The following GABRD variants were observed in gnomAD, a reference collection of about 807,000 sequenced individuals.
The protein encoded by GABRD is gamma-aminobutyric acid type A receptor subunit delta, also known as gamma-aminobutyric acid receptor subunit delta.
In GABRD, 25 loss-of-function variants were observed where a neutral mutation model predicts 47.3. The ratio of observed to expected loss-of-function variants is 0.53; its 90% CI spans 0.39 to 0.74. GABRD has a LOEUF of 0.74. Ranked by LOEUF, GABRD falls within the 30% of genes least tolerant of loss-of-function variation. The probability of loss-of-function intolerance (pLI) is 0.00; values close to 1 mark genes in which losing one functional copy is unlikely to be tolerated. For synonymous variants in GABRD, 314 were observed against 278.8 expected (o/e 1.13, Z -1.26); for missense variants, 497 against 643.4 (o/e 0.77, Z 2.46).
intron 1 of GABRD, chr1:2,024,082 A>G (rs1658857144): frequency 6.6e-6 from 1 of 152,164 alleles, no homozygotes; most frequent in Non-Finnish European, 1.5e-5. Context: ...TTTAGGGCCC[A>G]CCCAATCCAG....
chr1:2,019,381 G>T lies in GABRD; in HGVS notation c.-43G>T. The stretch of plus-strand genomic sequence containing the variant: ...GCCTGTGCCGCCTGTGCGGCCGCCG[G>T]GAGCCAAGTTTGCGCGGACCCCGTC... On this transcript the variant is annotated 5_prime_UTR_variant, in exon 1 of 9. Transcript: ENST00000378585. 10 of 1,026,200 alleles carry T rather than the reference G, an allele frequency of 9.7e-6. No individual in the cohort carries two copies. Among genetic ancestry groups the T allele is most frequent in the African/African-American group, 1.8e-5 (1 of 56,900 alleles). 63.6% of individuals were successfully genotyped at this position (1,026,200 alleles called of 1,614,324 possible).
At chr1:2,027,050 G>A (rs147016415) in intron 4 of GABRD, 2,968 of 200,158 alleles carry the variant, frequency 0.015, 102 homozygotes, top group African/African-American at 0.066. Context: ...TCAGCTACTC[G>A]GGAGGCTGAG....
chr1:2,022,900 C>T (rs1291979832), intron 1 of GABRD, among the ~76,000 whole-genome samples: 1 of 152,162 alleles, frequency 6.6e-6, no homozygotes, highest in Non-Finnish European at 1.5e-5. Context: ...AGCTAAGGAA[C>T]GTTTGGTTCA....
At chr1:2,029,951 C>T in intron 8 of GABRD, 32 bp from the exon 9 acceptor site, 1 of 1,609,142 alleles carries the variant, frequency 6.2e-7, no homozygotes. Context: ...CCCCAGTGCT[C>T]AGCCCTGTCT....
chr1:2,029,168 ACAT>A lies in GABRD; in HGVS notation c.754_756del (p.Ile252del), dbSNP rs1201664324. On this transcript the variant is annotated inframe_deletion, in exon 7 of 9. Coordinates refer to ENST00000378585, the MANE Select transcript of GABRD (RefSeq NM_000815.5). Reference sequence around the variant, plus strand: ...CACCTGCGGAGGAACCGCGGCGTGTACATCATCCAATCCTACATGCCCTCCGTC... The same window carrying A: ...CACCTGCGGAGGAACCGCGGCGTGTACATCCAATCCTACATGCCCTCCGTC... 2.6e-6 allele frequency: 4 copies of A among 1,554,800 alleles called. No individual in the cohort carries two copies. In the African/African-American group the frequency reaches 5.5e-5, roughly 21 times the overall value.
rs1292119759 is a variant in GABRD at position 2,029,759 on chromosome 1, A to T, written c.1056A>T (p.Ala352=). The T allele has an allele frequency of 1.9e-6, 3 of 1,611,746 alleles. No individual in the cohort carries two copies. The highest frequency in any genetic ancestry group is 2.5e-6 in the Non-Finnish European group (3 of 1,178,948). The part of the protein sequence containing the change: ...KAKVKVSRPR[A]EMDVRNAIVL... Reference sequence around the variant, plus strand: ...AGGTCAAGGTCTCCAGGCCGAGGGCAGAGGTGAGGGCCTGGGGCCGAGCCA... The same window carrying T: ...AGGTCAAGGTCTCCAGGCCGAGGGCTGAGGTGAGGGCCTGGGGCCGAGCCA... The change falls in exon 8 of 9, where the codon GCA becomes GCT. Residue 352 remains alanine (A), a synonymous_variant. Coordinates refer to ENST00000378585, the MANE Select transcript of GABRD (RefSeq NM_000815.5).
intron 8 of GABRD, 23 bp from the exon 9 acceptor site, chr1:2,029,960 C>T (rs200220136): frequency 2.5e-6 from 4 of 1,610,870 alleles, no homozygotes; most frequent in Non-Finnish European, 3.4e-6. Context: ...TCAGCCCTGT[C>T]TCCCCCACCG....
Position 2,030,436 on chromosome 1 carries a change from C to G in GABRD, c.*154C>G. On this transcript the variant is annotated 3_prime_UTR_variant, in exon 9 of 9. Transcript: ENST00000378585. ...GGAAAACAAGAGGAAGCCTCGGCCT[C>G]CCTGAGCTCTGACCCCAGCCTCACC... 1.5e-6 allele frequency: 1 copy of G among 665,388 alleles called. No individual in the cohort carries two copies. Among genetic ancestry groups the G allele is most frequent in the Non-Finnish European group, 2.3e-6 (1 of 432,908 alleles). The allele number at this position is 665,388 out of a possible 1,614,324, so 41.2% of individuals were successfully genotyped here.
At position 2,030,080 on chromosome 1, in the gene GABRD, A is replaced by G; in HGVS notation, c.1157A>G (p.Asn386Ser). 6 of 1,607,700 alleles carry G rather than the reference A, an allele frequency of 3.7e-6. No homozygotes were observed. Among genetic ancestry groups the G allele is most frequent in the African/African-American group, 1.3e-5 (1 of 74,898 alleles). Residue 386 changes from asparagine to serine, a missense_variant, in exon 9 of 9, where the codon AAC becomes AGC. Around this residue, in one of 3 missense-constraint regions of GABRD, gnomAD observed 121 missense variants for 121.3 expected, o/e 1.00. Transcript: ENST00000378585. ...ISRRQRRVPG[N>S]LMGSYRSVGV... The stretch of plus-strand genomic sequence containing the variant: ...CGCCGGCAGCGCCGCGTCCCGGGGA[A>G]CCTGATGGGCTCCTACAGGTCGGTG...
rs377674028 is a variant in GABRD, at chr1:2,029,523, C to T, written c.848-28C>T. 1.3e-4 allele frequency: 215 copies of T among 1,609,310 alleles called. 1 individual carries two copies. Among genetic ancestry groups the T allele is most frequent in the Middle Eastern group, 7.2e-4 (4 of 5,518 alleles). On this transcript the variant is annotated intron_variant, in intron 7 of 8. Coordinates refer to ENST00000378585, the MANE Select transcript of GABRD (RefSeq NM_000815.5). ...ATGGGGCGGCGTGAGGGCAGGGCTA[C>T]GACAATGGCACCACCTGTGCCCGGC...
In GABRD at chr1:2,019,456, C is replaced by T; in HGVS notation, c.33C>T (p.Leu11=). 1 of 1,114,814 alleles carries T rather than the reference C, an allele frequency of 9.0e-7. No individual in the cohort carries two copies. The allele number at this position is 1,114,814 out of a possible 1,614,324, so 69.1% of individuals were successfully genotyped here. A position where few individuals can be genotyped will look rare whatever the true frequency, so the allele number is the denominator to read the frequency against. The stretch of plus-strand genomic sequence containing the variant: ...CGCCCGCCCGGCTGCTGGCCCCGCT[C>T]CTGCTCCTCTGCGCGCAGCAGCTCC... MDAPARLLAP[L]LLLCAQQLRG... Residue 11 remains leucine, a synonymous_variant, in exon 1 of 9, where the codon CTC becomes CTT. Transcript: ENST00000378585.
chr1:2,027,775 CAG>C (rs1658969104), intron 5 of GABRD, 116 bp downstream of exon 5: 5 of 919,876 alleles, frequency 5.4e-6, no homozygotes, highest in Non-Finnish European at 8.7e-6. Context: ...AGCACCAAAC[CAG>C]CTTCTGCATG....
rs1420663085 is a variant in GABRD at position 2,028,589 on chromosome 1, C to T, written c.691+297C>T. On this transcript the variant is annotated intron_variant, in intron 6 of 8. Coordinates refer to ENST00000378585, the MANE Select transcript of GABRD (RefSeq NM_000815.5). This position sits in a 1 kb window ranked among gnomAD's most constrained non-coding sequence, Gnocchi z 6.4. ...TCCTTGGTCCTTTCTCTCTTCCCAGCACTCCAGATTTATGGGAAACCAGAG... is the reference window on the plus strand; with the variant it reads ...TCCTTGGTCCTTTCTCTCTTCCCAGTACTCCAGATTTATGGGAAACCAGAG... Among the ~76,000 whole-genome samples the T allele has an allele frequency of 6.6e-6, 1 of 152,158 alleles. No homozygotes were observed. The highest frequency in any genetic ancestry group is 1.5e-5 in the Non-Finnish European group (1 of 68,034).
intron 4 of GABRD, chr1:2,026,583 C>T (rs1447693898): frequency 1.3e-5 from 2 of 152,162 alleles, no homozygotes; most frequent in Non-Finnish European, 2.9e-5. Context: ...CGCCTGTAAT[C>T]CCAGCACTTT....
At chr1:2,019,610 G>C (rs1658719064) in intron 1 of GABRD, 119 bp downstream of exon 1, 1 of 492,024 alleles carries the variant, frequency 2.0e-6, no homozygotes, top group South Asian at 9.1e-5. Context: ...CCAAGTCTGA[G>C]AGCCCCGCGT....
chr1:2,025,481 G>A, intron 3 of GABRD, 37 bp from the exon 4 acceptor site: 1 of 1,610,614 alleles, frequency 6.2e-7, no homozygotes, highest in Non-Finnish European at 8.5e-7. Context: ...TGGGGGTGGA[G>A]CAAGGCTGAC....
intron 4 of GABRD, 125 bp downstream of exon 4, chr1:2,025,863 A>G (rs1240221803): frequency 2.8e-6 from 2 of 717,814 alleles, no homozygotes; most frequent in Admixed American, 2.6e-5. Context: ...GGGCGGGCGG[A>G]GGGGGGGGCA....
intron 1 of GABRD, among the ~76,000 whole-genome samples, chr1:2,021,747 C>T (rs964973476): frequency 1.3e-5 from 2 of 152,168 alleles, no homozygotes; most frequent in African/African-American, 4.8e-5. Flanking sequence ...GCGCTGGTGG[C>T]GGTGCTCCTC....
At position 2,024,966 on chromosome 1, in the gene GABRD, C is replaced by A; in HGVS notation, c.93C>A (p.Tyr31Ter). ...GAGCGATGAATGACATCGGCGACTACGTGGGCTCCAACCTGGAGATCTCCT... is the reference window on the plus strand; with the variant it reads ...GAGCGATGAATGACATCGGCGACTAAGTGGGCTCCAACCTGGAGATCTCCT... ...GTRAMNDIGD[Y>*]VGSNLEISWL... The change falls in exon 2 of 9, where the codon TAC becomes TAA. Residue 31 changes from tyrosine (Y) to a stop codon, truncating the protein, a stop_gained. Coordinates refer to ENST00000378585, the MANE Select transcript of GABRD (RefSeq NM_000815.5). LOFTEE classifies it high-confidence loss of function. 1 of 1,612,768 alleles carries A rather than the reference C, an allele frequency of 6.2e-7. No homozygotes were observed. The highest frequency in any genetic ancestry group is 8.5e-7 in the Non-Finnish European group (1 of 1,179,656).
Sources: allele counts gnomAD v4.1 joint callset (sites outside exome capture counted in the v4.1 genomes callset), GRCh38; gene constraint gnomAD v4.1.1; regional missense constraint gnomAD v4.1.1; non-coding constraint Gnocchi (gnomAD v3.1); transcripts MANE v1.5; gene names NCBI Gene and HGNC (gene_info 2026-07-23, HGNC 2026-07-21).